The following SLC7A8 variants were observed in gnomAD, a reference collection of about 807,000 sequenced individuals.
SLC7A8 encodes solute carrier family 7 member 8, also known as large neutral amino acids transporter small subunit 2.
SLC7A8 carries 30 observed loss-of-function variants against 51.2 expected under a neutral mutation model. The ratio of observed to expected loss-of-function variants is 0.59; its 90% CI spans 0.44 to 0.80. The LOEUF is 0.80. Ranked by LOEUF, SLC7A8 falls within the 30% of genes least tolerant of loss-of-function variation. The pLI is 0.00. For missense variants in SLC7A8, 612 were observed against 674.4 expected (o/e 0.91, Z 1.03); for synonymous variants, 257 against 275.8 (o/e 0.93, Z 0.67).
At chr14:23,166,231 C>T (rs998781307) in intron 2 of SLC7A8, 105 bp downstream of exon 2, 3 of 1,225,116 alleles carry the variant, frequency 2.4e-6, no homozygotes, top group South Asian at 2.6e-5. Flanking sequence ...CCGTGGCACA[C>T]TGGAGACTGG....
At chr14:23,131,369 CAG>C (rs753591081) in intron 8 of SLC7A8, 90 bp downstream of exon 8, 11 of 1,053,982 alleles carry the variant, frequency 1.0e-5, no homozygotes, top group South Asian at 3.5e-5. Context: ...GCAAGGGTAA[CAG>C]GGGTGTGTGT....
chr14:23,179,261 T>C (rs1269801097), intron 1 of SLC7A8, among the ~76,000 whole-genome samples: 2 of 152,190 alleles, frequency 1.3e-5, no homozygotes, highest in African/African-American at 4.8e-5. Flanking sequence ...TAATTTTGAA[T>C]GTTCTCTGTT....
chr14:23,154,557 T>G (rs2048875660), intron 3 of SLC7A8: 4 of 850,964 alleles, frequency 4.7e-6, no homozygotes, highest in Non-Finnish European at 1.4e-6. Flanking sequence ...CGGCTTGGCC[T>G]GTCCAACCGC....
rs115755462 is a variant in SLC7A8, at chr14:23,183,119, A to G, written c.-205T>C. On this transcript the variant is annotated 5_prime_UTR_variant, in exon 1 of 11. Coordinates refer to ENST00000316902, the MANE Select transcript of SLC7A8 (RefSeq NM_012244.4). ...ACACTTTCTGGTCACTCGCGTTTAC[A>G]AACAAGAAAAGTGTTGCTAAAAAAA... 2,061 of 436,588 alleles carry G rather than the reference A, an allele frequency of 4.7e-3. 37 individuals carry two copies. Among genetic ancestry groups the G allele is most frequent in the African/African-American group, 0.041 (1,919 of 46,830 alleles). 27.0% of individuals were successfully genotyped at this position (436,588 alleles called of 1,614,324 possible).
chr14:23,158,034 C>A (rs548028448), intron 3 of SLC7A8, among the ~76,000 whole-genome samples: 1 of 152,272 alleles, frequency 6.6e-6, no homozygotes, highest in South Asian at 2.1e-4. Flanking sequence ...ATAGAGGACA[C>A]ACAGGTGGGT....
chr14:23,155,113 G>A (rs2048882009), intron 3 of SLC7A8: 3 of 1,494,556 alleles, frequency 2.0e-6, no homozygotes, highest in Non-Finnish European at 1.8e-6. Context: ...CTTGCCTATC[G>A]CACGATAGTA....
chr14:23,158,265 A>C (rs1360302309), intron 3 of SLC7A8, among the ~76,000 whole-genome samples: 1 of 152,204 alleles, frequency 6.6e-6, no homozygotes, highest in East Asian at 1.9e-4. Context: ...TAGAGCAGGC[A>C]AAATTTTGAG....
chr14:23,180,054 C>T (rs528444368), intron 1 of SLC7A8, among the ~76,000 whole-genome samples: 8 of 152,004 alleles, frequency 5.3e-5, no homozygotes, highest in East Asian at 1.9e-4. Context: ...TACAGGCATG[C>T]GCCACGACGC....
Position 23,166,558 on chromosome 14 carries a change from G to A in SLC7A8, c.152-18C>T. 1 of 1,613,468 alleles carries A rather than the reference G, an allele frequency of 6.2e-7. No homozygotes were observed. The highest frequency in any genetic ancestry group is 8.5e-7 in the Non-Finnish European group (1 of 1,179,638). On this transcript the variant is annotated intron_variant, in intron 1 of 10. Transcript: ENST00000316902. ...GATGTTCCCTGCATGAGGCACCAAGGGTAAGGAGGGGAGACAGTAGAGACA... is the reference window on the plus strand; with the variant it reads ...GATGTTCCCTGCATGAGGCACCAAGAGTAAGGAGGGGAGACAGTAGAGACA...
At chr14:23,145,051 G>T (rs2048779709) in intron 3 of SLC7A8, among the ~76,000 whole-genome samples, 2 of 150,834 alleles carry the variant, frequency 1.3e-5, no homozygotes, top group African/African-American at 2.4e-5. Flanking sequence ...TCCTGCCTCA[G>T]CTGGGACTAC....
intron 8 of SLC7A8, chr14:23,130,068 A>T: frequency 2.5e-6 from 1 of 406,742 alleles, no homozygotes; most frequent in Non-Finnish European, 4.4e-6. Flanking sequence ...TACTGGACAT[A>T]AGCAGCTAGA....
At chr14:23,131,823 G>A (rs1398361896) in intron 7 of SLC7A8, among the ~76,000 whole-genome samples, 2 of 152,210 alleles carry the variant, frequency 1.3e-5, no homozygotes, top group African/African-American at 4.8e-5. Context: ...CAGGGTTACT[G>A]ATAATTGTAC....
At chr14:23,133,041 G>A (rs577731712) in intron 7 of SLC7A8, among the ~76,000 whole-genome samples, 124 of 152,156 alleles carry the variant, frequency 8.1e-4, no homozygotes, top group African/African-American at 2.6e-3. Flanking sequence ...CTCCCAAAGC[G>A]TTGGGATGAC....
intron 1 of SLC7A8, among the ~76,000 whole-genome samples, chr14:23,182,172 CTT>C (rs1020313648): frequency 2.6e-5 from 4 of 152,226 alleles, no homozygotes; most frequent in African/African-American, 9.6e-5. Context: ...TCTGTCCCCT[CTT>C]TTCTTCCATA....
intron 1 of SLC7A8, among the ~76,000 whole-genome samples, chr14:23,168,167 G>A (rs1427263291): frequency 6.6e-6 from 1 of 152,192 alleles, no homozygotes; most frequent in Admixed American, 6.5e-5. Flanking sequence ...GATTCTGAGT[G>A]CCACCAATCC....
intron 6 of SLC7A8, 81 bp from the exon 7 acceptor site, chr14:23,138,105 C>T (rs772338377): frequency 7.9e-6 from 12 of 1,526,206 alleles, no homozygotes; most frequent in South Asian, 3.5e-5. Flanking sequence ...TCTGGGAAAC[C>T]GTTTCTCCTA....
chr14:23,142,404 C>A (rs1044183484), intron 4 of SLC7A8, among the ~76,000 whole-genome samples: 7 of 152,212 alleles, frequency 4.6e-5, no homozygotes, highest in African/African-American at 1.4e-4. Context: ...TCTCTGTCCT[C>A]CACTTTAAGA....
intron 1 of SLC7A8, among the ~76,000 whole-genome samples, chr14:23,174,402 C>T (rs2048989751): frequency 6.6e-6 from 1 of 152,236 alleles, no homozygotes. Flanking sequence ...GGTCCACCTT[C>T]AGACATTGTG....
At chr14:23,163,131 G>C (rs2048932526) in intron 3 of SLC7A8, among the ~76,000 whole-genome samples, 1 of 152,160 alleles carries the variant, frequency 6.6e-6, no homozygotes, top group Non-Finnish European at 1.5e-5. Flanking sequence ...AGGATGCAAG[G>C]ATAAAGTGGC....
Sources: allele counts gnomAD v4.1 joint callset (sites outside exome capture counted in the v4.1 genomes callset), GRCh38; gene constraint gnomAD v4.1.1; transcripts MANE v1.5; gene names NCBI Gene and HGNC (gene_info 2026-07-23, HGNC 2026-07-21).